RP2: variants seen among roughly 807,000 people sequenced by gnomAD.
RP2 encodes protein XRP2.
RP2 carries 3 observed loss-of-function variants against 20.3 expected under a neutral mutation model. That is an observed-to-expected ratio of 0.15 (90% confidence interval 0.07 to 0.38). The LOEUF (loss-of-function observed/expected upper bound fraction) is 0.38. RP2 is among the 10% of genes least tolerant of loss of function. The pLI is 1.00. For missense variants in RP2, 233 were observed against 268.5 expected (o/e 0.87, Z 0.92); for synonymous variants, 75 against 94.8 (o/e 0.79, Z 1.22).
chrX:46,839,654 A>G (rs1924581366), intron 1 of RP2, among the ~76,000 whole-genome samples: 1 of 112,110 alleles, frequency 8.9e-6, no homozygotes, highest in South Asian at 3.7e-4. Flanking sequence ...GTCCAATGAT[A>G]CGTTTACTGA....
At chrX:46,842,523 A>G (rs1262627663) in intron 1 of RP2, among the ~76,000 whole-genome samples, 1 of 111,924 alleles carries the variant, frequency 8.9e-6, no homozygotes, top group African/African-American at 3.2e-5. Context: ...AATAAAGTAT[A>G]TAATTCAGTA....
chrX:46,879,691 T>C lies in RP2; in HGVS notation c.975T>C (p.Phe325=). ...TAATTTTCTATTTAAAATAGATGTT[T>C]GTATCTGAAAGCAAGGAGACGGCAT... The part of the protein sequence containing the change: ...VNEIFNGTKM[F]VSESKETASG... The change falls in exon 5 of 5, where the codon TTT becomes TTC. Residue 325 remains phenylalanine, a synonymous_variant. Coordinates refer to ENST00000218340, the MANE Select transcript of RP2 (RefSeq NM_006915.3). 3 of 1,186,044 alleles carry C rather than the reference T, an allele frequency of 2.5e-6. No individual in the cohort carries two copies. Among genetic ancestry groups the C allele is most frequent in the Non-Finnish European group, 3.4e-6 (3 of 873,699 alleles).
intron 1 of RP2, 125 bp from the exon 2 acceptor site, chrX:46,853,350 CA>C (rs1278217299): frequency 1.1e-5 from 6 of 564,766 alleles, no homozygotes; most frequent in Non-Finnish European, 1.7e-5. Context: ...TACTGTGTTT[CA>C]AAGTCATTGA....
intron 2 of RP2, among the ~76,000 whole-genome samples, chrX:46,854,736 T>C (rs1184558480): frequency 9.0e-6 from 1 of 110,976 alleles, no homozygotes; most frequent in Non-Finnish European, 1.9e-5. Flanking sequence ...GAAATTTCTT[T>C]AGAGTTCTAA....
chrX:46,856,795 AT>A (rs782701618), intron 2 of RP2, among the ~76,000 whole-genome samples: 6 of 112,145 alleles, frequency 5.4e-5, no homozygotes, highest in Non-Finnish European at 1.1e-4. Context: ...ATCCTATCTT[AT>A]TCTGAAAGTA....
intron 1 of RP2, among the ~76,000 whole-genome samples, chrX:46,845,617 C>T (rs1008944235): frequency 5.4e-5 from 6 of 111,814 alleles, no homozygotes; most frequent in African/African-American, 1.9e-4. Context: ...CAGCCCCACT[C>T]CCAGCTCCTG....
intron 1 of RP2, among the ~76,000 whole-genome samples, chrX:46,838,294 AGCCCCGTCTTTCT>A (rs1481428778): frequency 8.9e-6 from 1 of 112,192 alleles, no homozygotes; most frequent in Non-Finnish European, 1.9e-5. Context: ...AGCTTTTCTC[AGCCCCGTCTTTCT>A]GCCCCTACTT....
At chrX:46,862,200 T>C (rs1451243465) in intron 3 of RP2, among the ~76,000 whole-genome samples, 1 of 97,426 alleles carries the variant, frequency 1.0e-5, no homozygotes, top group Admixed American at 1.1e-4. Flanking sequence ...GGTGAAACCC[T>C]GTCTCTACTA....
rs189776457 is a variant in RP2 at position 46,859,850 on chromosome X, C to A, written c.769-138C>A. On this transcript the variant is annotated intron_variant, in intron 2 of 4. Transcript: ENST00000218340. ...TAGTGAGAACTTATTATAGCAAACACCCTGAATTAGACTTATAATTAAAAC... is the reference window on the plus strand; with the variant it reads ...TAGTGAGAACTTATTATAGCAAACAACCTGAATTAGACTTATAATTAAAAC... The A allele has an allele frequency of 6.0e-5, 30 of 497,731 alleles. 1 individual carries two copies. The Admixed American group carries it at 9.0e-4, about 15-fold the overall frequency. 41.0% of individuals were successfully genotyped at this position (497,731 alleles called of 1,213,427 possible). A position where few individuals can be genotyped will look rare whatever the true frequency, so the allele number is the denominator to read the frequency against.
intron 1 of RP2, among the ~76,000 whole-genome samples, chrX:46,839,559 A>T (rs1473055887): frequency 3.6e-5 from 4 of 110,965 alleles, no homozygotes; most frequent in South Asian, 7.6e-4. Flanking sequence ...TTCCAAAAAA[A>T]AAAAATAAAT....
chrX:46,871,021 C>CTTT (rs58549261), intron 3 of RP2, among the ~76,000 whole-genome samples: 21 of 77,357 alleles, frequency 2.7e-4, no homozygotes, highest in African/African-American at 6.5e-4. Context: ...ACGCTCATTC[C>CTTT]TTTTTTTTTT....
rs782114656 is a variant in RP2, at chrX:46,868,393, G to A, written c.883+8291G>A. Among the ~76,000 whole-genome samples the A allele has an allele frequency of 3.6e-5, 4 of 110,364 alleles. No individual in the cohort carries two copies. In the South Asian group the frequency reaches 1.5e-3, roughly 43 times the overall value. On this transcript the variant is annotated intron_variant, in intron 3 of 4. Coordinates refer to ENST00000218340, the MANE Select transcript of RP2 (RefSeq NM_006915.3). ...AAAAAAAAAATGAGCCGAGCATGGT[G>A]TCATGCGCCTGTAGCCCCAGCTACT...
chrX:46,850,291 C>T (rs1051719583), intron 1 of RP2, among the ~76,000 whole-genome samples: 5 of 111,672 alleles, frequency 4.5e-5, no homozygotes, highest in Non-Finnish European at 9.4e-5. Flanking sequence ...ATTCTGTTTC[C>T]TCAGTATTTC....
chrX:46,861,925 G>T (rs1228075803), intron 3 of RP2, among the ~76,000 whole-genome samples: 1 of 112,168 alleles, frequency 8.9e-6, no homozygotes, highest in Non-Finnish European at 1.9e-5. Context: ...GAGAAGAAAA[G>T]AATGTTCATC....
In RP2 at chrX:46,854,075, A is replaced by G. The variant is rs1924914203; in HGVS notation, c.702A>G (p.Glu234=). 2 of 1,211,923 alleles carry G rather than the reference A, an allele frequency of 1.7e-6. No homozygotes were observed. Among genetic ancestry groups the G allele is most frequent in the East Asian group, 3.0e-5 (1 of 33,874 alleles). Residue 234 remains glutamate, a synonymous_variant, in exon 2 of 5, where the codon GAA becomes GAG. Coordinates refer to ENST00000218340, the MANE Select transcript of RP2 (RefSeq NM_006915.3). The part of the protein sequence containing the change: ...SRGQRQKSSD[E]SCLVVLFAGD... The stretch of plus-strand genomic sequence containing the variant: ...GTCAGAGACAGAAGAGCAGCGATGA[A>G]TCATGCTTAGTGGTATTATTTGCTG...
Position 46,839,507 on chromosome X carries a change from G to A in RP2, c.102+2305G>A, listed in dbSNP as rs145286126. 6.2e-3 allele frequency among the ~76,000 whole-genome samples: 685 copies of A among 110,629 alleles called. 6 individuals are homozygous for A. The highest frequency in any genetic ancestry group is 0.021 in the African/African-American group (648 of 30,463). On this transcript the variant is annotated intron_variant, in intron 1 of 4. Transcript: ENST00000218340. The stretch of plus-strand genomic sequence containing the variant: ...TTAGAGGCTGCAATGAGTCATGATC[G>A]GGCCACTGCCCTCCAGCTTGGGCAA...
chrX:46,847,802 A>ACACACATGTGTGTGTG (rs1924776085), intron 1 of RP2, among the ~76,000 whole-genome samples: 1 of 80,119 alleles, frequency 1.2e-5, no homozygotes, highest in South Asian at 5.5e-4. Context: ...GTGTGTGTAT[A>ACACACATGTGTGTGTG]TATATACACA....
In RP2 at chrX:46,880,354, A is replaced by G. The variant is rs1406343630; in HGVS notation, c.*585A>G. 1 of 112,588 alleles carries G rather than the reference A, an allele frequency of 8.9e-6. No homozygotes were observed. Among genetic ancestry groups the G allele is most frequent in the Admixed American group, 9.5e-5 (1 of 10,520 alleles). 9.3% of individuals were successfully genotyped at this position (112,588 alleles called of 1,213,427 possible). On this transcript the variant is annotated 3_prime_UTR_variant, in exon 5 of 5. Transcript: ENST00000218340. ...TTTTTAAAGAAATAGGCATTTGATA[A>G]CCAGCTTGGCAAGTAACTCTACTAA...
At chrX:46,857,428 T>C (rs1319329249) in intron 2 of RP2, among the ~76,000 whole-genome samples, 1 of 111,154 alleles carries the variant, frequency 9.0e-6, no homozygotes, top group African/African-American at 3.3e-5. Context: ...GGCGTGGTGG[T>C]GGGTGCTTGT....
Sources: allele counts gnomAD v4.1 joint callset (sites outside exome capture counted in the v4.1 genomes callset), GRCh38; gene constraint gnomAD v4.1.1; transcripts MANE v1.5; gene names NCBI Gene and HGNC (gene_info 2026-07-23, HGNC 2026-07-21).